The following CNTN6 variants were observed in gnomAD, a reference collection of about 807,000 sequenced individuals.
CNTN6 encodes the protein contactin 6.
Under a neutral mutation model 122.8 loss-of-function variants are expected in CNTN6, and 137 were observed. That is an observed-to-expected ratio of 1.12 (90% CI 0.97 to 1.29). CNTN6 has a LOEUF of 1.29. CNTN6 is among the 50% of genes most tolerant of loss of function. The pLI, the probability that CNTN6 is intolerant of heterozygous loss-of-function variation, is 0.00. For missense variants in CNTN6, 1,634 were observed against 1,223.4 expected, an observed-to-expected ratio of 1.34 and a Z score of -5.01; for synonymous variants, 570 against 426.0, an observed-to-expected ratio of 1.34 and a Z score of -4.16.
At chr3:1,251,925 C>T (rs2094677754) in intron 4 of CNTN6, among the ~76,000 whole-genome samples, 1 of 152,148 alleles carries the variant, frequency 6.6e-6, no homozygotes. Flanking sequence ...TGGACTTTGG[C>T]TGTACTTGAG....
At chr3:1,319,596 T>C (rs1700565587) in intron 7 of CNTN6, among the ~76,000 whole-genome samples, 1 of 151,646 alleles carries the variant, frequency 6.6e-6, no homozygotes, top group African/African-American at 2.4e-5. Context: ...ACACAATTTT[T>C]ACTTATATTT....
intron 7 of CNTN6, among the ~76,000 whole-genome samples, chr3:1,317,893 A>C (rs1700315917): frequency 1.3e-5 from 2 of 151,344 alleles, no homozygotes; most frequent in South Asian, 4.2e-4. Context: ...CAGGTTAAAA[A>C]AAAAAAAAAA....
intron 1 of CNTN6, among the ~76,000 whole-genome samples, chr3:1,093,780 A>G (rs748036869): frequency 1.3e-5 from 2 of 152,182 alleles, no homozygotes; most frequent in Non-Finnish European, 2.9e-5. Flanking sequence ...ATAATACTTT[A>G]TGAAAACTTT....
At chr3:1,317,838 GA>G (rs1700304767) in intron 7 of CNTN6, among the ~76,000 whole-genome samples, 1 of 149,506 alleles carries the variant, frequency 6.7e-6, no homozygotes, top group East Asian at 2.0e-4. Flanking sequence ...CAGCCCAACT[GA>G]AATGAGATGG....
intron 17 of CNTN6, among the ~76,000 whole-genome samples, chr3:1,379,672 C>G (rs1710378178): frequency 6.6e-6 from 1 of 152,070 alleles, no homozygotes; most frequent in Non-Finnish European, 1.5e-5. Flanking sequence ...GCCACTTCCT[C>G]TGTGTTTATT....
chr3:1,118,223 T>C (rs1248575409), intron 1 of CNTN6, among the ~76,000 whole-genome samples: 1 of 152,168 alleles, frequency 6.6e-6, no homozygotes, highest in Non-Finnish European at 1.5e-5. Context: ...AGAGAAGCCT[T>C]TCACAAAATG....
chr3:1,403,276 CT>C, intron 22 of CNTN6, 41 bp from the exon 23 acceptor site: 1 of 1,357,416 alleles, frequency 7.4e-7, no homozygotes, highest in Non-Finnish European at 1.0e-6. Flanking sequence ...ACAGGCAATA[CT>C]TTATCTCAAA....
intron 2 of CNTN6, among the ~76,000 whole-genome samples, chr3:1,189,176 C>T (rs564174566): frequency 2.0e-5 from 3 of 152,220 alleles, no homozygotes; most frequent in Admixed American, 6.5e-5. Flanking sequence ...AATTTCAGAA[C>T]AGCCATGTGA....
At chr3:1,109,570 A>T (rs975220362) in intron 1 of CNTN6, among the ~76,000 whole-genome samples, 4 of 152,188 alleles carry the variant, frequency 2.6e-5, no homozygotes, top group African/African-American at 4.8e-5. Flanking sequence ...TTTTTAAAAG[A>T]TATAGTTATT....
At chr3:1,196,868 G>T (rs2093785365) in intron 2 of CNTN6, among the ~76,000 whole-genome samples, 1 of 152,174 alleles carries the variant, frequency 6.6e-6, no homozygotes, top group Admixed American at 6.5e-5. Context: ...AGTAAAAGCT[G>T]TCCACCTATA....
At chr3:1,229,376 T>C (rs1311867846) in intron 4 of CNTN6, among the ~76,000 whole-genome samples, 1 of 152,110 alleles carries the variant, frequency 6.6e-6, no homozygotes. Context: ...CCCTACAACA[T>C]ACACATGATA....
chr3:1,340,929 C>T (rs989938652), intron 11 of CNTN6, among the ~76,000 whole-genome samples: 1 of 151,886 alleles, frequency 6.6e-6, no homozygotes, highest in Non-Finnish European at 1.5e-5. Flanking sequence ...CCTTAAGTTT[C>T]AAGTTGGTGG....
rs895844767 is a variant in CNTN6 at position 1,385,691 on chromosome 3, C to T, written c.2598C>T (p.Ile866=). The T allele has an allele frequency of 6.2e-7, 1 of 1,613,908 alleles. No homozygotes were observed. Among genetic ancestry groups the T allele is most frequent in the Non-Finnish European group, 8.5e-7 (1 of 1,179,942 alleles). Reference sequence around the variant, plus strand: ...GTGGAAATGTCACAACCAAAAACATCACGGGGCTGAAAGCTAATACCATCT... The same window carrying T: ...GTGGAAATGTCACAACCAAAAACATTACGGGGCTGAAAGCTAATACCATCT... ...RVSGNVTTKN[I]TGLKANTIYF... is the part of the protein sequence containing the mutation. The change falls in exon 20 of 23, where the codon ATC becomes ATT. Residue 866 remains isoleucine, a synonymous_variant. Coordinates refer to ENST00000446702, the MANE Select transcript of CNTN6 (RefSeq NM_001289080.2).
At chr3:1,341,447 G>A (rs977122094) in intron 11 of CNTN6, among the ~76,000 whole-genome samples, 1 of 152,036 alleles carries the variant, frequency 6.6e-6, no homozygotes, top group Non-Finnish European at 1.5e-5. Flanking sequence ...AATTTAGTTA[G>A]GCTTTCCATC....
At chr3:1,337,734 C>G (rs1306470298) in intron 11 of CNTN6, among the ~76,000 whole-genome samples, 1 of 152,078 alleles carries the variant, frequency 6.6e-6, no homozygotes, top group Non-Finnish European at 1.5e-5. Flanking sequence ...TGTTCATACT[C>G]AACTCCTGAG....
chr3:1,309,748 T>C (rs1698942257), intron 7 of CNTN6, among the ~76,000 whole-genome samples: 1 of 152,172 alleles, frequency 6.6e-6, no homozygotes, highest in Non-Finnish European at 1.5e-5. Context: ...CAGTGTTGAG[T>C]CTTTTCATCC....
chr3:1,307,642 A>G (rs1698573517), intron 7 of CNTN6, among the ~76,000 whole-genome samples: 1 of 152,146 alleles, frequency 6.6e-6, no homozygotes. Flanking sequence ...ATACCATATT[A>G]CATCGAGTTT....
Position 1,295,587 on chromosome 3 carries a change from T to G in CNTN6, c.455-14T>G, listed in dbSNP as rs1488532427. On this transcript the variant is annotated splice_polypyrimidine_tract_variant and intron_variant, in intron 5 of 22. Coordinates refer to ENST00000446702, the MANE Select transcript of CNTN6 (RefSeq NM_001289080.2). ...ATGGTTTTGTTTTGTTTTGTTTTGTTTCTTGTTTTTCAGATTTATCTTATG... is the reference window on the plus strand; with the variant it reads ...ATGGTTTTGTTTTGTTTTGTTTTGTGTCTTGTTTTTCAGATTTATCTTATG... 2 of 1,607,772 alleles carry G rather than the reference T, an allele frequency of 1.2e-6. No homozygotes were observed. The highest frequency in any genetic ancestry group is 4.5e-5 in the East Asian group (2 of 44,854).
intron 11 of CNTN6, among the ~76,000 whole-genome samples, chr3:1,345,259 G>A (rs1704504375): frequency 6.6e-6 from 1 of 151,906 alleles, no homozygotes; most frequent in Non-Finnish European, 1.5e-5. Flanking sequence ...TGAAATTACA[G>A]GCACGAACCA....
Sources: allele counts gnomAD v4.1 joint callset (sites outside exome capture counted in the v4.1 genomes callset), GRCh38; gene constraint gnomAD v4.1.1; transcripts MANE v1.5; gene names NCBI Gene and HGNC (gene_info 2026-07-23, HGNC 2026-07-21).